The following SNAPC4 variants were observed in gnomAD, a reference collection of about 807,000 sequenced individuals.
The protein encoded by SNAPC4 is snRNA-activating protein complex subunit 4.
SNAPC4 carries 127 observed loss-of-function variants against 151.3 expected under a neutral mutation model. The ratio of observed to expected loss-of-function variants is 0.84; its 90% CI spans 0.73 to 0.97. SNAPC4 has a LOEUF of 0.97. Among genes scored for constraint, SNAPC4 ranks in the 50% least tolerant of loss-of-function variants. SNAPC4 has a pLI of 0.00. For missense variants in SNAPC4, 2,186 were observed against 1,935.0 expected, an observed-to-expected ratio of 1.13 and a Z score of -2.43; for synonymous variants, 1,002 against 824.4, an observed-to-expected ratio of 1.22 and a Z score of -3.69.
Position 136,383,974 on chromosome 9 carries a change from G to A in SNAPC4, c.1479C>T (p.Ser493=). 1 of 1,613,526 alleles carries A rather than the reference G, an allele frequency of 6.2e-7. No individual in the cohort carries two copies. ...LPHRSGSQCL[S]KWKIMMGKKQ... ...TCACCCCCATCATGATCTTCCACTT[G>A]CTCAGACACTGGGAGCCAGACCGAT... The change falls in exon 15 of 24, where the codon AGC becomes AGT. Residue 493 remains serine, a synonymous_variant. Transcript: ENST00000684778. The surrounding 1 kb of genome is among the most constrained non-coding windows in gnomAD (Gnocchi z 4.2).
chr9:136,381,248 A>C, intron 19 of SNAPC4, 74 bp downstream of exon 19: 3 of 1,113,458 alleles, frequency 2.7e-6, no homozygotes, highest in Non-Finnish European at 4.1e-6. Context: ...GAATGAATCT[A>C]CTGCAGATTT....
In SNAPC4 at chr9:136,384,711, G is replaced by C; in HGVS notation, c.1420+9C>G. 1 of 1,327,168 alleles carries C rather than the reference G, an allele frequency of 7.5e-7. No homozygotes were observed. The highest frequency in any genetic ancestry group is 1.1e-6 in the Non-Finnish European group (1 of 941,184). 82.2% of individuals were successfully genotyped at this position (1,327,168 alleles called of 1,614,324 possible). On this transcript the variant is annotated intron_variant, in intron 14 of 23. Transcript: ENST00000684778. ...AAGAAACTAGAAGAACAAACTGTCA[G>C]CAACTTACCGACACCATATTTTTCT...
intron 13 of SNAPC4, 21 bp from the exon 14 acceptor site, chr9:136,384,835 A>T (rs1359308590): frequency 6.8e-7 from 1 of 1,462,310 alleles, no homozygotes. Flanking sequence ...CATGAAAAGC[A>T]AAGAACGTTT....
Position 136,377,913 on chromosome 9 carries a change from G to A in SNAPC4, c.3914C>T (p.Pro1305Leu). Reference sequence around the variant, plus strand: ...AGCTCGCAGGCTGCACAGGGCTGGGGGCTGATAGGGCAGTCTGCTGCCCAG... The same window carrying A: ...AGCTCGCAGGCTGCACAGGGCTGGGAGCTGATAGGGCAGTCTGCTGCCCAG... ...PLLGSRLPYQ[P>L]PALCSLRALS... The change falls in exon 22 of 24, where the codon CCC becomes CTC. Residue 1305 changes from proline (P) to leucine (L), a missense_variant. Transcript: ENST00000684778. The A allele has an allele frequency of 6.2e-7, 1 of 1,610,664 alleles. No individual in the cohort carries two copies.
In SNAPC4 at chr9:136,377,722, G is replaced by A. The variant is rs1234571451; in HGVS notation, c.4105C>T (p.Leu1369=). ...AGCGCAGGGAGGGTGAAGGCTGCCA[G>A]GAACCGCGCCCGCAACAGGAGGTAG... The part of the protein sequence containing the change: ...PAYLLLRARF[L]AAFTLPALLA... The change falls in exon 22 of 24, where the codon CTG becomes TTG. Residue 1369 remains leucine (L), a synonymous_variant. Coordinates refer to ENST00000684778, the MANE Select transcript of SNAPC4 (RefSeq NM_003086.4). 8 of 1,609,160 alleles carry A rather than the reference G, an allele frequency of 5.0e-6. No individual in the cohort carries two copies. Among genetic ancestry groups the A allele is most frequent in the Non-Finnish European group, 6.8e-6 (8 of 1,177,540 alleles).
At chr9:136,381,451 G>C (rs1193722823) in intron 18 of SNAPC4, 59 bp from the exon 19 acceptor site, 1 of 1,460,752 alleles carries the variant, frequency 6.8e-7, no homozygotes, top group Non-Finnish European at 9.6e-7. Context: ...ACAGGGGGAT[G>C]GGTGGAAAGC....
rs1254101142 is a variant in SNAPC4 at position 136,381,313 on chromosome 9, G to A, written c.2388+9C>T. On this transcript the variant is annotated intron_variant, in intron 19 of 23. Coordinates refer to ENST00000684778, the MANE Select transcript of SNAPC4 (RefSeq NM_003086.4). ...CAAAGGAAAACGAAGCTCTGCCCAA[G>A]TAGCTTACCTGGGTAAACAGGGTAA... 4 of 1,609,554 alleles carry A rather than the reference G, an allele frequency of 2.5e-6. No homozygotes were observed. The Admixed American group carries it at 5.0e-5, about 20-fold the overall frequency.
chr9:136,384,608 C>A, intron 14 of SNAPC4, 112 bp downstream of exon 14: 1 of 578,498 alleles, frequency 1.7e-6, no homozygotes, highest in Non-Finnish European at 3.0e-6. Context: ...ATGGTCGCAC[C>A]ACCGCACCCC....
At chr9:136,397,052 G>A in intron 2 of SNAPC4, 29 bp from the exon 3 acceptor site, 1 of 1,606,196 alleles carries the variant, frequency 6.2e-7, no homozygotes, top group Non-Finnish European at 8.5e-7. Flanking sequence ...ACACCGTGTT[G>A]GTAACCAGCG....
In SNAPC4 at chr9:136,397,020, G is replaced by C. The variant is rs372635602; in HGVS notation, c.134C>G (p.Ser45Ter). ...AGGATCCAAGTCCTCAGAAGGCAGT[G>C]AATCTGTCAGAAACACAAGCAACAC... ...SSLESDSEAD[S>*]LPSEDLDPAD... is the part of the protein sequence containing the mutation. The change falls in exon 3 of 24, where the codon TCA becomes TGA. Residue 45 changes from serine (S) to a stop codon, truncating the protein, a stop_gained. Coordinates refer to ENST00000684778, the MANE Select transcript of SNAPC4 (RefSeq NM_003086.4). LOFTEE classifies it high-confidence loss of function. 3 of 1,612,666 alleles carry C rather than the reference G, an allele frequency of 1.9e-6. No individual in the cohort carries two copies. Among genetic ancestry groups the C allele is most frequent in the Non-Finnish European group, 2.5e-6 (3 of 1,179,804 alleles).
chr9:136,387,472 C>T lies in SNAPC4; in HGVS notation c.1325+13G>A, dbSNP rs1389663494. On this transcript the variant is annotated intron_variant, in intron 13 of 23. Transcript: ENST00000684778. ...ACACGGGCCCCTCCCTCGCTCAGCG[C>T]TGTGCGACTCACCGATCTCGGCACT... 23 of 1,589,548 alleles carry T rather than the reference C, an allele frequency of 1.4e-5. No individual in the cohort carries two copies. The highest frequency in any genetic ancestry group is 2.0e-5 in the Non-Finnish European group (23 of 1,157,944).
In SNAPC4 at chr9:136,397,021, A is replaced by T. The variant is rs1834297376; in HGVS notation, c.133T>A (p.Ser45Thr). ...GGATCCAAGTCCTCAGAAGGCAGTGAATCTGTCAGAAACACAAGCAACACC... is the reference window on the plus strand; with the variant it reads ...GGATCCAAGTCCTCAGAAGGCAGTGTATCTGTCAGAAACACAAGCAACACC... ...SSLESDSEAD[S>T]LPSEDLDPAD... Residue 45 changes from serine to threonine, a missense_variant and splice_region_variant, in exon 3 of 24, where the codon TCA becomes ACA. By Grantham distance (58) the Ser-to-Thr change is moderately conservative. Coordinates refer to ENST00000684778, the MANE Select transcript of SNAPC4 (RefSeq NM_003086.4). 1 of 1,612,670 alleles carries T rather than the reference A, an allele frequency of 6.2e-7. No individual in the cohort carries two copies. The highest frequency in any genetic ancestry group is 1.3e-5 in the African/African-American group (1 of 74,904).
In SNAPC4 at chr9:136,378,340, T is replaced by C. The variant is rs1210281133; in HGVS notation, c.3487A>G (p.Ser1163Gly). ...ACACTGCCATCCGCTTCTGCAGGAC[T>C]TTGGGAGAGGGCGTGTGTGGGAGGA... is the stretch of plus-strand genomic sequence containing the variant. ...PAPPTHALSQ[S>G]PAEADGSVAF... Residue 1163 changes from serine (S) to glycine (G), a missense_variant, in exon 22 of 24, where the codon AGT (serine) becomes GGT (glycine). Transcript: ENST00000684778. 1 of 1,607,802 alleles carries C rather than the reference T, an allele frequency of 6.2e-7. No individual in the cohort carries two copies. The highest frequency in any genetic ancestry group is 1.7e-5 in the Admixed American group (1 of 59,110).
At chr9:136,380,417 C>T (rs966767344) in intron 20 of SNAPC4, among the ~76,000 whole-genome samples, 4 of 152,214 alleles carry the variant, frequency 2.6e-5, no homozygotes, top group African/African-American at 9.6e-5. Context: ...GGTGAGGAGG[C>T]CTCGCTGAAC....
At chr9:136,387,941 A>G in intron 11 of SNAPC4, 93 bp from the exon 12 acceptor site, 1 of 770,100 alleles carries the variant, frequency 1.3e-6, no homozygotes, top group Non-Finnish European at 2.3e-6. Flanking sequence ...CGTGGGGCCG[A>G]GACACCCACC....
intron 14 of SNAPC4, among the ~76,000 whole-genome samples, chr9:136,384,272 G>A (rs1833814219): frequency 1.3e-5 from 2 of 152,232 alleles, no homozygotes; most frequent in Non-Finnish European, 2.9e-5. Context: ...ATCGTCCTAA[G>A]CGCACACCAC....
At chr9:136,388,712 C>A (rs1588756667) in intron 10 of SNAPC4, 121 bp from the exon 11 acceptor site, 1 of 1,111,324 alleles carries the variant, frequency 9.0e-7, no homozygotes, top group Admixed American at 2.0e-5. Flanking sequence ...TTCTGCAGAC[C>A]CCAGCTCTCC....
intron 10 of SNAPC4, among the ~76,000 whole-genome samples, chr9:136,390,741 A>C (rs1834042015): frequency 6.6e-6 from 1 of 151,968 alleles, no homozygotes; most frequent in Non-Finnish European, 1.5e-5. Context: ...ACAAAAAAGA[A>C]AAAAAGAAAG....
Position 136,378,129 on chromosome 9 carries a change from C to G in SNAPC4, c.3698G>C (p.Gly1233Ala). 4 of 1,605,400 alleles carry G rather than the reference C, an allele frequency of 2.5e-6. No individual in the cohort carries two copies. The highest frequency in any genetic ancestry group is 3.4e-6 in the Non-Finnish European group (4 of 1,177,158). Residue 1233 changes from glycine (G) to alanine (A), a missense_variant, in exon 22 of 24, where the codon GGG becomes GCG. Physicochemically the swap from Gly to Ala is moderately conservative, Grantham distance 60. Coordinates refer to ENST00000684778, the MANE Select transcript of SNAPC4 (RefSeq NM_003086.4). ...GSPSGTQEPRGPLGLEKLPLR... is the reference protein window; with the variant it reads ...GSPSGTQEPRAPLGLEKLPLR... ...GGGCAGCTTCTCCAGGCCCAGAGGC[C>G]CCCTGGGCTCCTGTGTCCCTGAGGG...
Sources: allele counts gnomAD v4.1 joint callset (sites outside exome capture counted in the v4.1 genomes callset), GRCh38; gene constraint gnomAD v4.1.1; non-coding constraint Gnocchi (gnomAD v3.1); transcripts MANE v1.5; gene names NCBI Gene and HGNC (gene_info 2026-07-23, HGNC 2026-07-21).